The following KCNH5 variants were observed in gnomAD, a reference collection of about 807,000 sequenced individuals.
The protein encoded by KCNH5 is voltage-gated delayed rectifier potassium channel KCNH5.
In KCNH5, 46 loss-of-function variants were observed where a neutral mutation model predicts 96.1. That is an observed-to-expected ratio of 0.48 (90% CI 0.38 to 0.61). KCNH5 has a LOEUF of 0.61. KCNH5 is among the 20% of genes least tolerant of loss of function. The pLI is 0.00. For missense variants in KCNH5, 907 were observed against 1,225.8 expected, an observed-to-expected ratio of 0.74 and a Z score of 3.88; for synonymous variants, 439 against 449.8, an observed-to-expected ratio of 0.98 and a Z score of 0.30.
intron 10 of KCNH5, among the ~76,000 whole-genome samples, chr14:62,724,198 T>C (rs1025449544): frequency 1.5e-4 from 23 of 152,210 alleles, no homozygotes; most frequent in Non-Finnish European, 3.2e-4. Context: ...CCCAATTTGA[T>C]AACTTCCTTT....
chr14:62,895,950 T>C (rs1269300561), intron 7 of KCNH5, among the ~76,000 whole-genome samples: 2 of 152,154 alleles, frequency 1.3e-5, no homozygotes, highest in East Asian at 3.8e-4. Flanking sequence ...TAAGTTACCC[T>C]GACAGTAGGG....
chr14:63,033,898 C>T (rs1258746440), intron 1 of KCNH5, among the ~76,000 whole-genome samples: 1 of 151,822 alleles, frequency 6.6e-6, no homozygotes, highest in South Asian at 2.1e-4. Flanking sequence ...GAATTTAAAT[C>T]ATGCAGTCTG....
intron 1 of KCNH5, among the ~76,000 whole-genome samples, chr14:63,032,393 G>T (rs568869302): frequency 3.3e-4 from 50 of 152,222 alleles, no homozygotes; most frequent in Middle Eastern, 3.4e-3. Context: ...GCAGGCAGTC[G>T]CAGCTTCAAG....
chr14:62,937,679 T>A (rs555231965), intron 7 of KCNH5, among the ~76,000 whole-genome samples: 12 of 152,254 alleles, frequency 7.9e-5, no homozygotes, highest in African/African-American at 2.4e-4. Context: ...AGGAAGAAGA[T>A]TCGTAAGATT....
chr14:62,823,776 C>G (rs1475051365), intron 8 of KCNH5, among the ~76,000 whole-genome samples: 3 of 152,038 alleles, frequency 2.0e-5, no homozygotes, highest in African/African-American at 7.2e-5. Flanking sequence ...TCATCATTAT[C>G]TAGAATTACT....
chr14:63,009,467 TGCG>T (rs201957382), intron 2 of KCNH5, among the ~76,000 whole-genome samples: 2,189 of 152,294 alleles, frequency 0.014, 53 homozygotes, highest in African/African-American at 0.049. Flanking sequence ...AAAATCCGAA[TGCG>T]GTTTTTAAAA....
chr14:62,874,146 A>G (rs1227166417), intron 7 of KCNH5, among the ~76,000 whole-genome samples: 2 of 152,230 alleles, frequency 1.3e-5, no homozygotes, highest in Non-Finnish European at 2.9e-5. Context: ...CACTTTGTAT[A>G]TCTGTTTACT....
intron 9 of KCNH5, among the ~76,000 whole-genome samples, chr14:62,800,311 C>A (rs1437970927): frequency 1.3e-5 from 2 of 152,136 alleles, no homozygotes; most frequent in Admixed American, 1.3e-4. Context: ...GAGATGGGTG[C>A]AATACCCAGG....
chr14:62,806,969 T>G (rs534354209), intron 8 of KCNH5, among the ~76,000 whole-genome samples: 2 of 152,132 alleles, frequency 1.3e-5, no homozygotes, highest in Non-Finnish European at 1.5e-5. Flanking sequence ...ACTTGAGAGC[T>G]GACAGGATTG....
chr14:62,744,842 C>T lies in KCNH5; in HGVS notation c.2019+34886G>A, dbSNP rs1429436729. Among the ~76,000 whole-genome samples the T allele has an allele frequency of 2.6e-5, 4 of 152,226 alleles. No homozygotes were observed. The East Asian group carries it at 5.8e-4, about 22-fold the overall frequency. On this transcript the variant is annotated intron_variant, in intron 10 of 10. Coordinates refer to ENST00000322893, the MANE Select transcript of KCNH5 (RefSeq NM_139318.5). ...AAACAGCAGGAATTTTTTTACACAC[C>T]ACATGCCTCTTTCTAAGGGTTTGAA...
chr14:62,771,780 T>C (rs936822612), intron 10 of KCNH5, among the ~76,000 whole-genome samples: 6 of 152,048 alleles, frequency 3.9e-5, no homozygotes, highest in African/African-American at 1.2e-4. Context: ...TCCATGACAA[T>C]AGTAAAGGTA....
At chr14:62,951,633 C>T (rs1298493843) in intron 6 of KCNH5, among the ~76,000 whole-genome samples, 4 of 152,122 alleles carry the variant, frequency 2.6e-5, no homozygotes, top group African/African-American at 9.7e-5. Context: ...TAATAAGACT[C>T]TAATTATGCA....
rs1337096234 is a variant in KCNH5, at chr14:62,950,231, T to G, written c.1271A>C (p.Tyr424Ser). 1 of 1,613,996 alleles carries G rather than the reference T, an allele frequency of 6.2e-7. No individual in the cohort carries two copies. The highest frequency in any genetic ancestry group is 8.5e-7 in the Non-Finnish European group (1 of 1,179,908). Residue 424 changes from tyrosine to serine, a missense_variant, in exon 7 of 11, where the codon TAC becomes TCC. By Grantham distance (144) the Tyr-to-Ser change is moderately radical. This residue lies in a region of KCNH5 where 370 missense variants were observed against 561.3 expected (regional missense o/e 0.66). Coordinates refer to ENST00000322893, the MANE Select transcript of KCNH5 (RefSeq NM_139318.5). The part of the protein sequence containing the change: ...SKDSLYVSSL[Y>S]FTMTSLTTIG... ...GGTTGTAAGGCTTGTCATGGTAAAG[T>G]AGAGAGAGGACACGTACAATGAATC...
chr14:62,749,523 C>G (rs1885450575), intron 10 of KCNH5, among the ~76,000 whole-genome samples: 2 of 152,198 alleles, frequency 1.3e-5, no homozygotes, highest in African/African-American at 2.4e-5. Flanking sequence ...TAACAAGATT[C>G]TCTTCCTTAG....
Position 62,779,881 on chromosome 14 carries a change from G to T in KCNH5, c.1866C>A (p.Thr622=). ...VFGDIFWKET[T]LAHACANVRA... is the part of the protein sequence containing the mutation. ...GGACGTTCGCACATGCATGGGCAAG[G>T]GTGGTTTCCTTCCAGAAGATGTCTC... is the stretch of plus-strand genomic sequence containing the variant. The change falls in exon 10 of 11, where the codon ACC becomes ACA. Residue 622 remains threonine, a synonymous_variant. Coordinates refer to ENST00000322893, the MANE Select transcript of KCNH5 (RefSeq NM_139318.5). 1 of 1,613,616 alleles carries T rather than the reference G, an allele frequency of 6.2e-7. No individual in the cohort carries two copies. The highest frequency in any genetic ancestry group is 8.5e-7 in the Non-Finnish European group (1 of 1,179,702).
At position 62,904,498 on chromosome 14, in the gene KCNH5, A is replaced by G. The variant is rs542811906; in HGVS notation, c.1369+45635T>C. 5.3e-5 allele frequency among the ~76,000 whole-genome samples: 8 copies of G among 152,214 alleles called. No individual in the cohort carries two copies. The East Asian group carries it at 1.4e-3, about 26-fold the overall frequency. ...TACACATGCCCCTACCTCTTCCCCT[A>G]TGGTCCTCAATGGTTTCCTTGTAAA... On this transcript the variant is annotated intron_variant, in intron 7 of 10. Coordinates refer to ENST00000322893, the MANE Select transcript of KCNH5 (RefSeq NM_139318.5).
chr14:62,792,600 TC>T (rs1162640528), intron 9 of KCNH5, among the ~76,000 whole-genome samples: 2 of 151,728 alleles, frequency 1.3e-5, no homozygotes, highest in Non-Finnish European at 3.0e-5. Flanking sequence ...CTTGAAACTC[TC>T]CTGTTTTCTT....
At chr14:62,857,813 T>C (rs1346628024) in intron 7 of KCNH5, among the ~76,000 whole-genome samples, 1 of 152,130 alleles carries the variant, frequency 6.6e-6, no homozygotes, top group Admixed American at 6.5e-5. Context: ...ATACCCAGGA[T>C]CAATACTTTG....
intron 10 of KCNH5, among the ~76,000 whole-genome samples, chr14:62,714,418 T>C (rs546140228): frequency 1.3e-4 from 20 of 152,316 alleles, no homozygotes; most frequent in African/African-American, 4.8e-4. Flanking sequence ...TGGTGTGTTT[T>C]TATTTACATT....
Sources: allele counts gnomAD v4.1 joint callset (sites outside exome capture counted in the v4.1 genomes callset), GRCh38; gene constraint gnomAD v4.1.1; regional missense constraint gnomAD v4.1.1; transcripts MANE v1.5; gene names NCBI Gene and HGNC (gene_info 2026-07-23, HGNC 2026-07-21).